RBM3: variants seen among roughly 807,000 people sequenced by gnomAD.
The protein encoded by RBM3 is RNA-binding protein 3.
Under a neutral mutation model 12.0 loss-of-function variants are expected in RBM3, and 3 were observed. The observed-to-expected ratio is 0.25, with a 90% CI of 0.11 to 0.65. The LOEUF (loss-of-function observed/expected upper bound fraction) is 0.65, where lower values mean the gene tolerates loss of function less well. Ranked by LOEUF, RBM3 falls within the 30% of genes least tolerant of loss-of-function variation. The pLI, the probability that RBM3 is intolerant of heterozygous loss-of-function variation, is 0.84. For synonymous variants in RBM3, 58 were observed against 45.7 expected, an observed-to-expected ratio of 1.27 and a Z score of -1.08; for missense variants, 108 against 134.5, an observed-to-expected ratio of 0.80 and a Z score of 0.97.
intron 1 of RBM3, 30 bp downstream of exon 1, chrX:48,574,603 G>T (rs1322741931): frequency 3.0e-6 from 1 of 331,080 alleles, no homozygotes; most frequent in Non-Finnish European, 5.9e-6. Context: ...CGAAACGGCG[G>T]CTCCTCGCCA....
At chrX:48,576,892 T>C in intron 5 of RBM3, 134 bp from the exon 6 acceptor site, 1 of 832,186 alleles carries the variant, frequency 1.2e-6, no homozygotes, top group African/African-American at 2.1e-5. Context: ...GTGATACTCA[T>C]ATGCTTAACA....
intron 3 of RBM3, 179 bp from the exon 4 acceptor site, chrX:48,576,135 T>C (rs1173513452): frequency 3.0e-5 from 35 of 1,159,575 alleles, no homozygotes; most frequent in Non-Finnish European, 3.9e-5. Flanking sequence ...TGTGTGGGAT[T>C]CTATAGCTCC....
At chrX:48,577,440 A>G (rs1386021712) in intron 6 of RBM3, 25 bp from the exon 7 acceptor site, 20 of 992,085 alleles carry the variant, frequency 2.0e-5, no homozygotes, top group East Asian at 3.8e-5. Context: ...TGACATCACA[A>G]TTCTCCCCCT....
At chrX:48,575,436 T>G in intron 2 of RBM3, 125 bp from the exon 3 acceptor site, 2 of 798,154 alleles carry the variant, frequency 2.5e-6, no homozygotes, top group South Asian at 5.0e-5. Flanking sequence ...GGGAAGCGTC[T>G]TTGGGATTAG....
At chrX:48,577,403 G>T in intron 6 of RBM3, 62 bp from the exon 7 acceptor site, 1 of 870,449 alleles carries the variant, frequency 1.1e-6, no homozygotes, top group Non-Finnish European at 1.6e-6. Flanking sequence ...GCTCTAGGAG[G>T]TGAGCATGTT....
At position 48,581,082 on chromosome X, in the gene RBM3, C is replaced by T. The variant is rs781941985; in HGVS notation, c.*3641C>T. The T allele has an allele frequency of 1.0e-3, 6 of 5,773 alleles. 1 individual carries two copies. The highest frequency in any genetic ancestry group is 3.3e-3 in the African/African-American group (5 of 1,516). 0.5% of individuals were successfully genotyped at this position (5,773 alleles called of 1,213,427 possible). A position where few individuals can be genotyped will look rare whatever the true frequency, so the allele number is the denominator to read the frequency against. Reference sequence around the variant, plus strand: ...CCCTGGATCTGGGGGCGGGGGGGGGCGGGGGGAATGGGTCTTTTCTAAATT... The same window carrying T: ...CCCTGGATCTGGGGGCGGGGGGGGGTGGGGGGAATGGGTCTTTTCTAAATT... On this transcript the variant is annotated 3_prime_UTR_variant, in exon 7 of 7. Transcript: ENST00000376759.
chrX:48,575,615 C>T lies in RBM3; in HGVS notation c.158C>T (p.Thr53Ile). 8.3e-7 allele frequency: 1 copy of T among 1,211,776 alleles called. No individual in the cohort carries two copies. Among genetic ancestry groups the T allele is most frequent in the Non-Finnish European group, 1.1e-6 (1 of 895,478 alleles). Residue 53 changes from threonine (T) to isoleucine (I), a missense_variant, in exon 3 of 7, where the codon ACC becomes ATC. By Grantham distance (89) the Thr-to-Ile change is moderately conservative. This residue lies in a region of RBM3 where 43 missense variants were observed against 79.6 expected (regional missense o/e 0.54). Transcript: ENST00000376759. ...CGGTCCAGGGGTTTTGGTTTCATCA[C>T]CTTCACCAACCCAGAGCATGCTTCA... is the stretch of plus-strand genomic sequence containing the variant. ...TQRSRGFGFI[T>I]FTNPEHASVA...
At position 48,578,704 on chromosome X, in the gene RBM3, C is replaced by G. The variant is rs1469821607; in HGVS notation, c.*1263C>G. 2 of 111,932 alleles carry G rather than the reference C, an allele frequency of 1.8e-5. No individual in the cohort carries two copies. The highest frequency in any genetic ancestry group is 3.2e-5 in the African/African-American group (1 of 30,828). 9.2% of individuals were successfully genotyped at this position (111,932 alleles called of 1,213,427 possible). On this transcript the variant is annotated 3_prime_UTR_variant, in exon 7 of 7. Transcript: ENST00000376759. ...CTGGAATTGGGTTTCCTTAACTGGT[C>G]TCTTATCTTAGTCCCATTGTTCTGA...
Position 48,575,527 on chromosome X carries a change from G to A in RBM3, c.104-34G>A, listed in dbSNP as rs782625250. ...TACTTAACCTTTGGGGTACTGACTG[G>A]TCCACATTGCTCCATCTTCTCTCCC... On this transcript the variant is annotated intron_variant, in intron 2 of 6. Transcript: ENST00000376759. The A allele has an allele frequency of 4.4e-6, 5 of 1,149,264 alleles. No individual in the cohort carries two copies. In the East Asian group the frequency reaches 9.0e-5, roughly 21 times the overall value. 94.7% of individuals were successfully genotyped at this position (1,149,264 alleles called of 1,213,427 possible). A position where few individuals can be genotyped will look rare whatever the true frequency, so the allele number is the denominator to read the frequency against.
chrX:48,577,658 A>G lies in RBM3; in HGVS notation c.*217A>G. On this transcript the variant is annotated 3_prime_UTR_variant, in exon 7 of 7. Transcript: ENST00000376759. ...TTAAATTTTTTCTGCCTATTTAAAGACAAATTATGGGACGTTTGTAGAACC... is the reference window on the plus strand; with the variant it reads ...TTAAATTTTTTCTGCCTATTTAAAGGCAAATTATGGGACGTTTGTAGAACC... 1 of 241,399 alleles carries G rather than the reference A, an allele frequency of 4.1e-6. No homozygotes were observed. 19.9% of individuals were successfully genotyped at this position (241,399 alleles called of 1,213,427 possible). A position where few individuals can be genotyped will look rare whatever the true frequency, so the allele number is the denominator to read the frequency against.
At position 48,577,071 on chromosome X, in the gene RBM3, C is replaced by T. The variant is rs558359092; in HGVS notation, c.459C>T (p.Asp153=). 1 of 1,209,843 alleles carries T rather than the reference C, an allele frequency of 8.3e-7. No homozygotes were observed. Among genetic ancestry groups the T allele is most frequent in the Admixed American group, 2.2e-5 (1 of 45,650 alleles). The change falls in exon 6 of 7, where the codon GAC becomes GAT. Residue 153 remains aspartate, a synonymous_variant. Transcript: ENST00000376759. The part of the protein sequence containing the change: ...YDRYSGGNYR[D]NYDN ...GCTACTCAGGAGGAAATTACAGAGACAATTATGACAACTGAAATGAGACAT... is the reference window on the plus strand; with the variant it reads ...GCTACTCAGGAGGAAATTACAGAGATAATTATGACAACTGAAATGAGACAT...
rs782339329 is a variant in RBM3, at chrX:48,580,064, A to G, written c.*2623A>G. ...CACTGAGGCTAGAAACCCCCCAAAC[A>G]CTCAAGGTACCTTGAGAACATGTAT... On this transcript the variant is annotated 3_prime_UTR_variant, in exon 7 of 7. Coordinates refer to ENST00000376759, the MANE Select transcript of RBM3 (RefSeq NM_006743.5). The G allele has an allele frequency of 2.7e-5, 3 of 111,007 alleles. No homozygotes were observed. Among genetic ancestry groups the G allele is most frequent in the Non-Finnish European group, 3.8e-5 (2 of 52,998 alleles). 9.1% of individuals were successfully genotyped at this position (111,007 alleles called of 1,213,427 possible).
rs2062095391 is a variant in RBM3, at chrX:48,579,807, C to T, written c.*2366C>T. On this transcript the variant is annotated 3_prime_UTR_variant, in exon 7 of 7. Coordinates refer to ENST00000376759, the MANE Select transcript of RBM3 (RefSeq NM_006743.5). ...TATTTGTATAACAACTCTAAACCTG[C>T]TCTGCTCTGCTGTGTTTACAATGTG... 8.9e-6 allele frequency: 1 copy of T among 111,904 alleles called. No homozygotes were observed. The highest frequency in any genetic ancestry group is 3.7e-4 in the South Asian group (1 of 2,699). The allele number at this position is 111,904 out of a possible 1,213,427, so 9.2% of individuals were successfully genotyped here.
Position 48,575,583 on chromosome X carries a change from G to A in RBM3, c.126G>A (p.Glu42=), listed in dbSNP as rs781993059. 4 of 1,208,727 alleles carry A rather than the reference G, an allele frequency of 3.3e-6. No homozygotes were observed. Residue 42 remains glutamate, a synonymous_variant, in exon 3 of 7, where the codon GAG becomes GAA. Transcript: ENST00000376759. ...CAGTGGTCGTTGTCAAGGACCGGGA[G>A]ACTCAGCGGTCCAGGGGTTTTGGTT... ...ISEVVVVKDR[E]TQRSRGFGFI... is the part of the protein sequence containing the mutation.
chrX:48,575,347 G>C lies in RBM3; in HGVS notation c.103+64G>C, dbSNP rs2062075648. On this transcript the variant is annotated intron_variant, in intron 2 of 6. Coordinates refer to ENST00000376759, the MANE Select transcript of RBM3 (RefSeq NM_006743.5). The stretch of plus-strand genomic sequence containing the variant: ...AAAGTCTGGGATCCTTGCATTTCAA[G>C]GAGTATTAACTGAAAAGTTAGGACC... 3 of 1,039,193 alleles carry C rather than the reference G, an allele frequency of 2.9e-6. No homozygotes were observed. The African/African-American group carries it at 5.6e-5, about 19-fold the overall frequency. 85.6% of individuals were successfully genotyped at this position (1,039,193 alleles called of 1,213,427 possible). A position where few individuals can be genotyped will look rare whatever the true frequency, so the allele number is the denominator to read the frequency against.
chrX:48,575,222 C>T lies in RBM3; in HGVS notation c.42C>T (p.Asn14=). The stretch of plus-strand genomic sequence containing the variant: ...GAAAGCTCTTCGTGGGAGGGCTCAA[C>T]TTTAACACCGACGAGCAGGCACTGG... The part of the protein sequence containing the change: ...EEGKLFVGGL[N]FNTDEQALED... Residue 14 remains asparagine, a synonymous_variant, in exon 2 of 7, where the codon AAC becomes AAT. Coordinates refer to ENST00000376759, the MANE Select transcript of RBM3 (RefSeq NM_006743.5). 8.3e-7 allele frequency: 1 copy of T among 1,210,746 alleles called. No individual in the cohort carries two copies. Among genetic ancestry groups the T allele is most frequent in the South Asian group, 1.8e-5 (1 of 56,672 alleles).
Position 48,579,854 on chromosome X carries a change from G to C in RBM3, c.*2413G>C, listed in dbSNP as rs2147210703. 1 of 111,700 alleles carries C rather than the reference G, an allele frequency of 9.0e-6. No homozygotes were observed. The allele number at this position is 111,700 out of a possible 1,213,427, so 9.2% of individuals were successfully genotyped here. A position where few individuals can be genotyped will look rare whatever the true frequency, so the allele number is the denominator to read the frequency against. On this transcript the variant is annotated 3_prime_UTR_variant, in exon 7 of 7. Coordinates refer to ENST00000376759, the MANE Select transcript of RBM3 (RefSeq NM_006743.5). ...TGTGCTTTGTGATCATCCAGCCCAG[G>C]GAGTCCCAGTCTCTGGCTGTCTATC... is the stretch of plus-strand genomic sequence containing the variant.
At chrX:48,575,757 C>T in intron 3 of RBM3, 90 bp downstream of exon 3, 2 of 880,515 alleles carry the variant, frequency 2.3e-6, no homozygotes, top group Non-Finnish European at 3.2e-6. Context: ...CTCGGGGCAG[C>T]GTGGCCACCA....
chrX:48,579,650 G>T lies in RBM3; in HGVS notation c.*2209G>T, dbSNP rs1023208724. ...TGCCTTGTAGGTCGGGGGATTGGAGGGGGTCCTCTGCTCCCTGTCTCTCAG... is the reference window on the plus strand; with the variant it reads ...TGCCTTGTAGGTCGGGGGATTGGAGTGGGTCCTCTGCTCCCTGTCTCTCAG... On this transcript the variant is annotated 3_prime_UTR_variant, in exon 7 of 7. Transcript: ENST00000376759. The T allele has an allele frequency of 1.8e-5, 2 of 111,799 alleles. No homozygotes were observed. The highest frequency in any genetic ancestry group is 3.3e-5 in the African/African-American group (1 of 30,629). 9.2% of individuals were successfully genotyped at this position (111,799 alleles called of 1,213,427 possible).
Sources: allele counts gnomAD v4.1 joint callset, GRCh38; gene constraint gnomAD v4.1.1; regional missense constraint gnomAD v4.1.1; transcripts MANE v1.5; gene names NCBI Gene and HGNC (gene_info 2026-07-23, HGNC 2026-07-21).